SGCZ: variants seen among roughly 807,000 people sequenced by gnomAD.
The protein encoded by SGCZ is zeta-sarcoglycan.
In SGCZ, 40 loss-of-function variants were observed where a neutral mutation model predicts 41.3. The ratio of observed to expected loss-of-function variants is 0.97; its 90% CI spans 0.75 to 1.26. The LOEUF is 1.26. Among genes scored for constraint, SGCZ ranks in the 50% most tolerant of loss-of-function variants. The pLI is 0.00. For missense variants in SGCZ, 552 were observed against 369.8 expected (o/e 1.49, Z -4.04); for synonymous variants, 206 against 137.5 (o/e 1.50, Z -3.49).
chr8:14,255,990 T>C (rs1179511436), intron 3 of SGCZ, among the ~76,000 whole-genome samples: 2 of 152,116 alleles, frequency 1.3e-5, no homozygotes, highest in South Asian at 2.1e-4. Context: ...TTAAATATAT[T>C]ACATCTCTCA....
At chr8:15,215,168 T>C (rs1351936275) in intron 1 of SGCZ, among the ~76,000 whole-genome samples, 1 of 152,208 alleles carries the variant, frequency 6.6e-6, no homozygotes, top group African/African-American at 2.4e-5. Context: ...TGAAGTAAAC[T>C]GTGGCATCCT....
chr8:14,303,698 A>T (rs1465793349), intron 3 of SGCZ, among the ~76,000 whole-genome samples: 1 of 152,082 alleles, frequency 6.6e-6, no homozygotes, highest in East Asian at 1.9e-4. Flanking sequence ...ATATTAGCCA[A>T]TTTCTAAATA....
At chr8:14,613,428 T>C (rs1202348142) in intron 1 of SGCZ, among the ~76,000 whole-genome samples, 1 of 152,130 alleles carries the variant, frequency 6.6e-6, no homozygotes, top group Admixed American at 6.6e-5. Context: ...TTAGATAAAA[T>C]CTATAAATCA....
At chr8:14,793,812 G>C (rs1408748381) in intron 1 of SGCZ, among the ~76,000 whole-genome samples, 2 of 152,114 alleles carry the variant, frequency 1.3e-5, no homozygotes, top group African/African-American at 4.8e-5. Context: ...GAAGTCTAGA[G>C]ATTTTCTATT....
At chr8:14,223,666 C>T (rs1405347167) in intron 4 of SGCZ, among the ~76,000 whole-genome samples, 4 of 152,132 alleles carry the variant, frequency 2.6e-5, no homozygotes, top group East Asian at 1.9e-4. Flanking sequence ...TGCTTAGCAC[C>T]CAGCAGCATT....
chr8:14,092,094 T>C (rs1801705251), intron 7 of SGCZ, among the ~76,000 whole-genome samples: 1 of 152,134 alleles, frequency 6.6e-6, no homozygotes, highest in African/African-American at 2.4e-5. Context: ...CCATTGCTTG[T>C]TTTTGTCAAG....
intron 1 of SGCZ, among the ~76,000 whole-genome samples, chr8:14,827,776 G>A (rs900878604): frequency 2.6e-5 from 4 of 151,926 alleles, no homozygotes; most frequent in African/African-American, 9.7e-5. Flanking sequence ...TTAACTACAT[G>A]AAATTAAAGT....
chr8:15,055,831 T>A (rs1320276721), intron 1 of SGCZ, among the ~76,000 whole-genome samples: 1 of 152,210 alleles, frequency 6.6e-6, no homozygotes, highest in Non-Finnish European at 1.5e-5. Flanking sequence ...CCCAGCCTGA[T>A]AACTTGGATG....
chr8:14,532,617 G>C (rs1195974281), intron 2 of SGCZ, among the ~76,000 whole-genome samples: 2 of 148,610 alleles, frequency 1.3e-5, no homozygotes, highest in Non-Finnish European at 3.0e-5. Flanking sequence ...AAATGTAAGA[G>C]GAAACTATCA....
chr8:15,043,087 G>A (rs1563461959), intron 1 of SGCZ, among the ~76,000 whole-genome samples: 1 of 152,124 alleles, frequency 6.6e-6, no homozygotes, highest in African/African-American at 2.4e-5. Context: ...CAGAGCAAGG[G>A]CACAAAATGG....
At chr8:14,136,037 T>C (rs1324966075) in intron 5 of SGCZ, among the ~76,000 whole-genome samples, 2 of 152,210 alleles carry the variant, frequency 1.3e-5, no homozygotes, top group African/African-American at 2.4e-5. Flanking sequence ...CGAAAAACTA[T>C]AGACCAATAT....
chr8:14,396,439 T>C (rs1299683931), intron 2 of SGCZ, among the ~76,000 whole-genome samples: 2 of 152,166 alleles, frequency 1.3e-5, no homozygotes, highest in Non-Finnish European at 2.9e-5. Context: ...TGGTGAGAAT[T>C]TGATCACTTA....
At chr8:14,994,853 A>G (rs75862946) in intron 1 of SGCZ, among the ~76,000 whole-genome samples, 3,391 of 152,298 alleles carry the variant, frequency 0.022, 148 homozygotes, top group African/African-American at 0.077. Flanking sequence ...TTAAAATACT[A>G]GGCATATTGT....
intron 3 of SGCZ, among the ~76,000 whole-genome samples, chr8:14,263,829 C>T (rs1799765576): frequency 6.6e-6 from 1 of 152,218 alleles, no homozygotes; most frequent in Admixed American, 6.5e-5. Flanking sequence ...CCTCTCCCAA[C>T]TCCAAGAAGC....
intron 1 of SGCZ, among the ~76,000 whole-genome samples, chr8:14,804,377 T>C (rs1801451553): frequency 7.9e-6 from 1 of 126,390 alleles, no homozygotes; most frequent in African/African-American, 2.9e-5. Context: ...TACAGAGAAG[T>C]GCTTAAAGGA....
At chr8:14,678,146 TACA>T (rs1808333914) in intron 1 of SGCZ, among the ~76,000 whole-genome samples, 2 of 152,098 alleles carry the variant, frequency 1.3e-5, no homozygotes, top group Admixed American at 1.3e-4. Flanking sequence ...TTGACGTAGA[TACA>T]ACAACAAAGA....
At chr8:14,755,274 A>G (rs1799624291) in intron 1 of SGCZ, among the ~76,000 whole-genome samples, 1 of 151,964 alleles carries the variant, frequency 6.6e-6, no homozygotes, top group Admixed American at 6.6e-5. Flanking sequence ...TTGCGGCTGT[A>G]GTTTTGTTGA....
chr8:15,138,325 GT>G (rs1246561160), intron 1 of SGCZ, among the ~76,000 whole-genome samples: 1 of 152,124 alleles, frequency 6.6e-6, no homozygotes, highest in Non-Finnish European at 1.5e-5. Context: ...AGACTTTGGA[GT>G]TGGGCTTTTG....
intron 1 of SGCZ, among the ~76,000 whole-genome samples, chr8:14,619,011 C>T (rs1806197971): frequency 6.6e-6 from 1 of 152,006 alleles, no homozygotes; most frequent in Non-Finnish European, 1.5e-5. Context: ...ACACATGAAC[C>T]TGGAGATCAA....
Sources: gnomAD v4.1 joint callset for allele counts (sites outside exome capture counted in the v4.1 genomes callset) on GRCh38, gnomAD v4.1.1 for gene constraint, MANE v1.5 for transcripts, NCBI Gene and HGNC (gene_info 2026-07-23, HGNC 2026-07-21) for gene names.